The following PCDHGA5 variants were observed in gnomAD, a reference collection of about 807,000 sequenced individuals.
PCDHGA5 encodes protocadherin gamma subfamily A, 5, also known as protocadherin gamma-A5.
In PCDHGA5, 36 loss-of-function variants were observed where a neutral mutation model predicts 56.7. The ratio of observed to expected loss-of-function variants is 0.64; its 90% CI spans 0.49 to 0.84. PCDHGA5 has a LOEUF of 0.84. PCDHGA5 is among the 40% of genes least tolerant of loss of function. The probability of loss-of-function intolerance (pLI) is 0.00; values close to 1 mark genes in which losing one functional copy is unlikely to be tolerated. For synonymous variants in PCDHGA5, 563 were observed against 520.2 expected, an observed-to-expected ratio of 1.08 and a Z score of -1.12; for missense variants, 1,305 against 1,201.5, an observed-to-expected ratio of 1.09 and a Z score of -1.27.
chr5:141,404,798 C>T (rs1422774939), intron 1 of PCDHGA5: 2 of 1,613,842 alleles, frequency 1.2e-6, no homozygotes, highest in Admixed American at 1.7e-5. Context: ...TGAGCCAGGG[C>T]TCTTCTCGGT....
chr5:141,453,205 G>A lies in PCDHGA5; in HGVS notation c.2422-41602G>A, dbSNP rs570291941. On this transcript the variant is annotated intron_variant, in intron 1 of 3. Coordinates refer to ENST00000518069, the MANE Select transcript of PCDHGA5 (RefSeq NM_018918.3). ...CACAGCTCACTGCAGCCTCAACCTC[G>A]TGCACTTAAGCGATCCTCCCACCTC... Among the ~76,000 whole-genome samples the A allele has an allele frequency of 1.1e-4, 17 of 151,990 alleles. No individual in the cohort carries two copies. In the East Asian group the frequency reaches 2.5e-3, roughly 22 times the overall value.
intron 1 of PCDHGA5, chr5:141,390,401 A>G (rs1471626291): frequency 2.3e-6 from 3 of 1,328,496 alleles, no homozygotes; most frequent in Admixed American, 2.3e-5. Flanking sequence ...TCATTTTAGG[A>G]AAGTTGTAGT....
chr5:141,400,728 T>C, intron 1 of PCDHGA5: 1 of 648,188 alleles, frequency 1.5e-6, no homozygotes. Context: ...ATTTACAAAG[T>C]AGTGAGAGTT....
intron 1 of PCDHGA5, chr5:141,398,136 C>G: frequency 6.4e-7 from 1 of 1,556,004 alleles, no homozygotes; most frequent in Non-Finnish European, 8.6e-7. Flanking sequence ...GGATGGGGAG[C>G]GGCGCCGGGG....
intron 1 of PCDHGA5, chr5:141,399,540 C>T (rs775910113): frequency 9.3e-6 from 15 of 1,614,052 alleles, no homozygotes; most frequent in Non-Finnish European, 1.3e-5. Context: ...CGCAAGTCTG[C>T]GCCTCGGACC....
Position 141,366,719 on chromosome 5 carries a change from G to C in PCDHGA5, c.2389G>C (p.Val797Leu), listed in dbSNP as rs775968939. The C allele has an allele frequency of 1.9e-6, 3 of 1,613,834 alleles. No homozygotes were observed. The Admixed American group carries it at 5.0e-5, about 27-fold the overall frequency. ...KSEPLLMSDK[V>L]DANKEERRVQ... ...CGAGCCTCTTCTGATGTCTGATAAG[G>C]TAGATGCAAACAAAGAAGAACGGCG... The change falls in exon 1 of 4, where the codon GTA (valine) becomes CTA (leucine). Residue 797 changes from valine (V) to leucine (L), a missense_variant. Coordinates refer to ENST00000518069, the MANE Select transcript of PCDHGA5 (RefSeq NM_018918.3).
intron 1 of PCDHGA5, among the ~76,000 whole-genome samples, chr5:141,438,596 A>G (rs1303292978): frequency 2.8e-5 from 1 of 35,176 alleles, no homozygotes; most frequent in Non-Finnish European, 6.2e-5. Context: ...ACATACATAT[A>G]TATATATATA....
At position 141,485,060 on chromosome 5, in the gene PCDHGA5, G is replaced by A. The variant is rs191055161; in HGVS notation, c.2422-9747G>A. 155 of 862,304 alleles carry A rather than the reference G, an allele frequency of 1.8e-4. No individual in the cohort carries two copies. The African/African-American group carries it at 2.3e-3, about 13-fold the overall frequency. 53.4% of individuals were successfully genotyped at this position (862,304 alleles called of 1,614,324 possible). ...ACCCTTGCGGCGCCGGCCGAACCGCGCCAGAGCTGGCGCGGGGAAAGGGAG... is the reference window on the plus strand; with the variant it reads ...ACCCTTGCGGCGCCGGCCGAACCGCACCAGAGCTGGCGCGGGGAAAGGGAG... On this transcript the variant is annotated intron_variant, in intron 1 of 3. Transcript: ENST00000518069. This position sits in a 1 kb window ranked among gnomAD's most constrained non-coding sequence, Gnocchi z 5.7.
At chr5:141,381,986 C>T (rs1360595056) in intron 1 of PCDHGA5, among the ~76,000 whole-genome samples, 1 of 151,810 alleles carries the variant, frequency 6.6e-6, no homozygotes, top group African/African-American at 2.4e-5. Context: ...CGCGCCACCA[C>T]GCCCGGATAA....
chr5:141,384,588 G>A, intron 1 of PCDHGA5: 1 of 1,614,242 alleles, frequency 6.2e-7, no homozygotes, highest in Non-Finnish European at 8.5e-7. Flanking sequence ...CCGAGATCCT[G>A]TACCCGGCCC....
chr5:141,384,294 C>T, intron 1 of PCDHGA5: 1 of 1,613,864 alleles, frequency 6.2e-7, no homozygotes. Context: ...CTGAGAACAA[C>T]CCCAGAGGGG....
At chr5:141,406,729 C>A (rs1051103218) in intron 1 of PCDHGA5, among the ~76,000 whole-genome samples, 1 of 152,200 alleles carries the variant, frequency 6.6e-6, no homozygotes, top group Non-Finnish European at 1.5e-5. Context: ...GTTTCTAAGA[C>A]TGGACACTGT....
intron 1 of PCDHGA5, chr5:141,404,242 G>T (rs372976589): frequency 1.2e-6 from 2 of 1,613,462 alleles, no homozygotes; most frequent in Non-Finnish European, 1.7e-6. Flanking sequence ...GAGGAACTCC[G>T]CCCCTGTCCA....
At position 141,375,271 on chromosome 5, in the gene PCDHGA5, A is replaced by C. The variant is rs748119820; in HGVS notation, c.2421+8520A>C. 1.5e-5 allele frequency: 24 copies of C among 1,613,884 alleles called. No homozygotes were observed. The East Asian group carries it at 4.5e-4, about 30-fold the overall frequency. On this transcript the variant is annotated intron_variant, in intron 1 of 3. Coordinates refer to ENST00000518069, the MANE Select transcript of PCDHGA5 (RefSeq NM_018918.3). ...GAAGTCTCCCATTTGAATTGGAAAAATCAGTTGGCAATTATTATCGATTAG... is the reference window on the plus strand; with the variant it reads ...GAAGTCTCCCATTTGAATTGGAAAACTCAGTTGGCAATTATTATCGATTAG...
intron 1 of PCDHGA5, chr5:141,427,958 G>T: frequency 6.3e-7 from 1 of 1,588,408 alleles, no homozygotes; most frequent in Non-Finnish European, 8.6e-7. Flanking sequence ...ACAATGTGCC[G>T]CGGGTGCTGT....
At position 141,422,330 on chromosome 5, in the gene PCDHGA5, C is replaced by T. The variant is rs200342957; in HGVS notation, c.2421+55579C>T. 1,454 of 1,548,164 alleles carry T rather than the reference C, an allele frequency of 9.4e-4. 3 individuals carry two copies. The highest frequency in any genetic ancestry group is 7.9e-4 in the Non-Finnish European group (910 of 1,153,526). On this transcript the variant is annotated intron_variant, in intron 1 of 3. Transcript: ENST00000518069. The stretch of plus-strand genomic sequence containing the variant: ...AACTCTCCTCCAGGTACAGTGATTG[C>T]TCTTCTAAATGTGCAAGATCAAGAT...
chr5:141,374,406 T>C (rs748431130), intron 1 of PCDHGA5: 8 of 1,614,018 alleles, frequency 5.0e-6, no homozygotes, highest in Non-Finnish European at 6.8e-6. Context: ...AGTTTTAACA[T>C]CCTTGTCGAG....
intron 3 of PCDHGA5, among the ~76,000 whole-genome samples, chr5:141,506,598 G>A (rs1056005258): frequency 6.6e-6 from 1 of 152,130 alleles, no homozygotes; most frequent in Non-Finnish European, 1.5e-5. Context: ...CAGTATTAAC[G>A]GATCTCATTG....
chr5:141,469,410 A>G (rs2099200490), intron 1 of PCDHGA5, among the ~76,000 whole-genome samples: 1 of 152,128 alleles, frequency 6.6e-6, no homozygotes, highest in Non-Finnish European at 1.5e-5. Context: ...CCCCGTTTCT[A>G]CTAAAAATAT....
Sources: gnomAD v4.1 joint callset for allele counts (sites outside exome capture counted in the v4.1 genomes callset) on GRCh38, gnomAD v4.1.1 for gene constraint, Gnocchi (gnomAD v3.1) non-coding constraint, MANE v1.5 for transcripts, NCBI Gene and HGNC (gene_info 2026-07-23, HGNC 2026-07-21) for gene names.